Variants in SPA17 observed in about 807,000 individuals in gnomAD.
The protein encoded by SPA17 is sperm surface protein Sp17.
Under a neutral mutation model 13.8 loss-of-function variants are expected in SPA17, and 7 were observed. That is an observed-to-expected ratio of 0.51 (90% CI 0.29 to 0.95). The LOEUF (loss-of-function observed/expected upper bound fraction) is 0.95, where lower values mean the gene tolerates loss of function less well. SPA17 is among the 40% of genes least tolerant of loss of function. SPA17 has a pLI of 0.08. For missense variants in SPA17, 170 were observed against 179.3 expected, an observed-to-expected ratio of 0.95 and a Z score of 0.30; for synonymous variants, 61 against 59.0, an observed-to-expected ratio of 1.03 and a Z score of -0.16.
At chr11:124,680,220 G>C (rs150658672) in intron 2 of SPA17, among the ~76,000 whole-genome samples, 14 of 152,200 alleles carry the variant, frequency 9.2e-5, no homozygotes, top group African/African-American at 3.4e-4. Context: ...ATTATAAAAA[G>C]AGTAACCAGA....
chr11:124,694,071 A>C (rs1272338971), intron 4 of SPA17, among the ~76,000 whole-genome samples: 1 of 152,206 alleles, frequency 6.6e-6, no homozygotes, highest in Non-Finnish European at 1.5e-5. Context: ...AAAGTTGGCA[A>C]TGATCTTTTG....
chr11:124,678,359 G>A (rs1943494314), intron 2 of SPA17, among the ~76,000 whole-genome samples: 1 of 151,942 alleles, frequency 6.6e-6, no homozygotes. Context: ...AACACAGACG[G>A]GGGTCTCATG....
At position 124,695,190 on chromosome 11, in the gene SPA17, C is replaced by G. The variant is rs1327692031; in HGVS notation, c.*744C>G. 1.3e-5 allele frequency: 2 copies of G among 152,190 alleles called. No individual in the cohort carries two copies. The highest frequency in any genetic ancestry group is 4.8e-5 in the African/African-American group (2 of 41,442). The allele number at this position is 152,190 out of a possible 1,614,324, so 9.4% of individuals were successfully genotyped here. A position where few individuals can be genotyped will look rare whatever the true frequency, so the allele number is the denominator to read the frequency against. ...TTCATTTATCATACATGTATTCAAT[C>G]ATTTATTGAAAATGTATTGAGTACT... On this transcript the variant is annotated 3_prime_UTR_variant, in exon 5 of 5. Transcript: ENST00000227135.
intron 2 of SPA17, 54 bp from the exon 3 acceptor site, chr11:124,681,335 A>G: frequency 7.1e-7 from 1 of 1,418,086 alleles, no homozygotes; most frequent in Admixed American, 2.0e-5. Context: ...ACTATTCTAC[A>G]TTTACCTTAA....
intron 2 of SPA17, among the ~76,000 whole-genome samples, chr11:124,680,541 T>C (rs1044300512): frequency 6.6e-6 from 1 of 152,230 alleles, no homozygotes; most frequent in Non-Finnish European, 1.5e-5. Flanking sequence ...GTGCCCGTTT[T>C]CGGGGTCCTG....
intron 2 of SPA17, among the ~76,000 whole-genome samples, chr11:124,678,347 T>A (rs1376213865): frequency 2.6e-5 from 4 of 152,022 alleles, no homozygotes; most frequent in Non-Finnish European, 5.9e-5. Context: ...ATTTTTTTTT[T>A]AAACACAGAC....
chr11:124,689,913 AT>A (rs1943610037), intron 3 of SPA17, among the ~76,000 whole-genome samples: 2 of 152,252 alleles, frequency 1.3e-5, no homozygotes, highest in African/African-American at 4.8e-5. Flanking sequence ...ACAGTAAGAT[AT>A]TATTTTACCC....
intron 3 of SPA17, among the ~76,000 whole-genome samples, chr11:124,686,200 G>GGGT: frequency 1.1e-5 from 1 of 89,196 alleles, no homozygotes. Flanking sequence ...TGGGGGGGGG[G>GGGT]TGGTTTTATA....
intron 2 of SPA17, among the ~76,000 whole-genome samples, chr11:124,676,803 C>T (rs761813206): frequency 6.6e-6 from 1 of 152,150 alleles, no homozygotes; most frequent in African/African-American, 2.4e-5. Context: ...TGCTGATTAC[C>T]TTGGTGACAA....
In SPA17 at chr11:124,695,980, C is replaced by T. The variant is rs1281523977; in HGVS notation, c.*1534C>T. The T allele has an allele frequency of 1.3e-5, 2 of 152,222 alleles. No homozygotes were observed. Among genetic ancestry groups the T allele is most frequent in the African/African-American group, 4.8e-5 (2 of 41,450 alleles). 9.4% of individuals were successfully genotyped at this position (152,222 alleles called of 1,614,324 possible). A position where few individuals can be genotyped will look rare whatever the true frequency, so the allele number is the denominator to read the frequency against. ...TTTATCAGGCTCTGCAACAGAGGTT[C>T]CCCCAAGTGATCGCCACTCAAACAC... On this transcript the variant is annotated 3_prime_UTR_variant, in exon 5 of 5. Transcript: ENST00000227135.
intron 3 of SPA17, among the ~76,000 whole-genome samples, chr11:124,690,089 C>T (rs561126808): frequency 3.2e-4 from 49 of 152,288 alleles, no homozygotes; most frequent in African/African-American, 1.2e-3. Context: ...AATGACCATT[C>T]AGTCCAGCAA....
intron 3 of SPA17, among the ~76,000 whole-genome samples, chr11:124,691,249 GTT>G (rs1204685234): frequency 1.3e-5 from 2 of 152,110 alleles, no homozygotes; most frequent in African/African-American, 4.8e-5. Flanking sequence ...TCTCTGACTA[GTT>G]TTAATCCATA....
chr11:124,694,304 A>T lies in SPA17; in HGVS notation c.314A>T (p.Asp105Val). The change falls in exon 5 of 5, where the codon GAC (aspartate) becomes GTC (valine). Residue 105 changes from aspartate to valine, a missense_variant and splice_region_variant. By Grantham distance (152) the Asp-to-Val change is radical. Coordinates refer to ENST00000227135, the MANE Select transcript of SPA17 (RefSeq NM_017425.4). ...KEEETSVTIL[D>V]SSEEDKEKEE... ...TTACTTTTTCTCCTTTCGATGAAGG[A>T]CTCTTCTGAGGAAGATAAGGAAAAA... 1 of 1,610,206 alleles carries T rather than the reference A, an allele frequency of 6.2e-7. No individual in the cohort carries two copies. Among genetic ancestry groups the T allele is most frequent in the Non-Finnish European group, 8.5e-7 (1 of 1,179,160 alleles).
intron 2 of SPA17, among the ~76,000 whole-genome samples, chr11:124,679,742 T>G (rs1296389468): frequency 6.6e-6 from 1 of 152,184 alleles, no homozygotes; most frequent in African/African-American, 2.4e-5. Flanking sequence ...CAGATTAGGC[T>G]GAACGTCTTG....
chr11:124,681,434 G>A lies in SPA17; in HGVS notation c.200G>A (p.Arg67His), dbSNP rs370310418. Residue 67 changes from arginine to histidine, a missense_variant, in exon 3 of 5, where the codon CGC (arginine) becomes CAC (histidine). Arg to His is a conservative substitution (Grantham distance 29). Coordinates refer to ENST00000227135, the MANE Select transcript of SPA17 (RefSeq NM_017425.4). ...GAATGGGGGAGTAAGGTAGAAGACC[G>A]CTTCTATAACAATCATGCATTCGAG... is the stretch of plus-strand genomic sequence containing the variant. Reference protein sequence around the residue: ...PAEWGSKVEDRFYNNHAFEEQ... With the variant: ...PAEWGSKVEDHFYNNHAFEEQ... The A allele has an allele frequency of 8.1e-5, 128 of 1,586,158 alleles. No homozygotes were observed. Among genetic ancestry groups the A allele is most frequent in the Admixed American group, 1.0e-4 (6 of 57,560 alleles).
chr11:124,675,173 A>AT, intron 1 of SPA17, 65 bp from the exon 2 acceptor site: 1 of 1,457,670 alleles, frequency 6.9e-7, no homozygotes, highest in South Asian at 1.4e-5. Flanking sequence ...ATTTGTTGGC[A>AT]TAGTTGTGAT....
chr11:124,681,391 A>G lies in SPA17; in HGVS notation c.157A>G (p.Thr53Ala). 6.4e-6 allele frequency: 10 copies of G among 1,573,596 alleles called. No individual in the cohort carries two copies. The highest frequency in any genetic ancestry group is 8.6e-6 in the Non-Finnish European group (10 of 1,157,188). ...GTTCTTATATTTTTATTATTTAGAA[A>G]CCAACTTTGATCCAGCAGAATGGGG... The part of the protein sequence containing the change: ...FESLLEKREK[T>A]NFDPAEWGSK... Residue 53 changes from threonine (T) to alanine (A), a missense_variant and splice_region_variant, in exon 3 of 5, where the codon ACC becomes GCC. By Grantham distance (58) the Thr-to-Ala change is moderately conservative. Transcript: ENST00000227135.
chr11:124,696,620 C>G lies in SPA17; in HGVS notation c.*2174C>G, dbSNP rs575329872. On this transcript the variant is annotated 3_prime_UTR_variant, in exon 5 of 5. Transcript: ENST00000227135. Reference sequence around the variant, plus strand: ...TTATTAGAACTTATCTGGTTTTCCTCTTATCTCTCTGGCTGTTCCTTCTCA... The same window carrying G: ...TTATTAGAACTTATCTGGTTTTCCTGTTATCTCTCTGGCTGTTCCTTCTCA... 6.6e-6 allele frequency: 1 copy of G among 152,158 alleles called. No individual in the cohort carries two copies. Among genetic ancestry groups the G allele is most frequent in the Non-Finnish European group, 1.5e-5 (1 of 68,042 alleles). 9.4% of individuals were successfully genotyped at this position (152,158 alleles called of 1,614,324 possible).
At chr11:124,677,818 A>T (rs1943485925) in intron 2 of SPA17, among the ~76,000 whole-genome samples, 1 of 152,262 alleles carries the variant, frequency 6.6e-6, no homozygotes. Flanking sequence ...AACAGAAAAT[A>T]TTGGCAAGAG....
Sources: allele counts gnomAD v4.1 joint callset (sites outside exome capture counted in the v4.1 genomes callset), GRCh38; gene constraint gnomAD v4.1.1; transcripts MANE v1.5; gene names NCBI Gene and HGNC (gene_info 2026-07-23, HGNC 2026-07-21).